SNX29: variants seen among roughly 807,000 people sequenced by gnomAD.
SNX29 encodes sorting nexin 29.
Under a neutral mutation model 102.1 loss-of-function variants are expected in SNX29, and 78 were observed. The ratio of observed to expected loss-of-function variants is 0.76; its 90% CI spans 0.64 to 0.92. SNX29 has a LOEUF of 0.92. SNX29 is among the 40% of genes least tolerant of loss of function. The probability of loss-of-function intolerance (pLI) is 0.00; values close to 1 mark genes in which losing one functional copy is unlikely to be tolerated. For synonymous variants in SNX29, 580 were observed against 414.5 expected (o/e 1.40, Z -4.85); for missense variants, 1,280 against 1,061.7 (o/e 1.21, Z -2.86).
chr16:12,568,267 C>G (rs1170900993), intron 20 of SNX29, among the ~76,000 whole-genome samples: 3 of 146,972 alleles, frequency 2.0e-5, no homozygotes, highest in Non-Finnish European at 4.5e-5. Flanking sequence ...CTAGCTCAGA[C>G]TCACAGCCAA....
At chr16:12,017,958 T>G (rs750048887) in intron 3 of SNX29, among the ~76,000 whole-genome samples, 13 of 151,944 alleles carry the variant, frequency 8.6e-5, no homozygotes, top group Non-Finnish European at 2.9e-5. Context: ...CAGGCAGGAG[T>G]GCAATGGCGC....
At chr16:12,378,004 A>G (rs528287614) in intron 16 of SNX29, among the ~76,000 whole-genome samples, 10 of 152,184 alleles carry the variant, frequency 6.6e-5, no homozygotes, top group African/African-American at 1.2e-4. Flanking sequence ...TTTTTGTATT[A>G]GGATGATTCC....
chr16:12,027,266 C>G (rs1021665737), intron 3 of SNX29, 54 bp from the exon 4 acceptor site: 25 of 1,605,664 alleles, frequency 1.6e-5, no homozygotes, highest in Non-Finnish European at 2.1e-5. Flanking sequence ...TGGGGCCGCC[C>G]TAGTTGCTAC....
chr16:12,040,412 A>G (rs2049832135), intron 4 of SNX29, among the ~76,000 whole-genome samples: 1 of 152,226 alleles, frequency 6.6e-6, no homozygotes, highest in Non-Finnish European at 1.5e-5. Context: ...CAAATTTTAA[A>G]AATCTGTGTA....
intron 14 of SNX29, among the ~76,000 whole-genome samples, chr16:12,267,354 G>A (rs1047906103): frequency 1.3e-5 from 2 of 151,982 alleles, no homozygotes; most frequent in Admixed American, 6.6e-5. Flanking sequence ...AAGCAGGCTG[G>A]GGTTTTCATC....
rs1306722622 is a variant in SNX29, at chr16:12,571,661, T to C, written c.*3032T>C. On this transcript the variant is annotated 3_prime_UTR_variant, in exon 21 of 21. Transcript: ENST00000566228. ...CAGATGAAAGACGACTCAGGAACGG[T>C]AGGGCTGGGCAGAGGTGTCTCTCCT... is the stretch of plus-strand genomic sequence containing the variant. The C allele has an allele frequency of 4.7e-6, 5 of 1,058,960 alleles. No homozygotes were observed. The highest frequency in any genetic ancestry group is 5.7e-6 in the Non-Finnish European group (5 of 875,584). 65.6% of individuals were successfully genotyped at this position (1,058,960 alleles called of 1,614,324 possible). A position where few individuals can be genotyped will look rare whatever the true frequency, so the allele number is the denominator to read the frequency against.
intron 20 of SNX29, among the ~76,000 whole-genome samples, chr16:12,567,488 A>G (rs35804561): frequency 0.28 from 41,999 of 152,080 alleles, 6,185 homozygotes; most frequent in East Asian, 0.44. Context: ...GACTTTACAG[A>G]TGTGATTAAG....
chr16:12,158,220 G>A (rs1470266367), intron 13 of SNX29, among the ~76,000 whole-genome samples: 2 of 151,664 alleles, frequency 1.3e-5, no homozygotes, highest in African/African-American at 4.9e-5. Flanking sequence ...TATTTTTTGA[G>A]AGAGGGTCTC....
intron 11 of SNX29, among the ~76,000 whole-genome samples, chr16:12,105,876 A>G (rs2053215326): frequency 6.6e-6 from 1 of 152,070 alleles, no homozygotes; most frequent in Admixed American, 6.6e-5. Flanking sequence ...TGAGTGGAGA[A>G]GTTGGGTGGG....
chr16:12,568,223 C>T (rs867862674), intron 20 of SNX29, among the ~76,000 whole-genome samples: 15 of 150,982 alleles, frequency 9.9e-5, no homozygotes, highest in African/African-American at 3.4e-4. Flanking sequence ...CTTTCATAGC[C>T]TTAAAATGTA....
At chr16:11,981,393 C>T (rs1332786314) in intron 1 of SNX29, among the ~76,000 whole-genome samples, 1 of 152,016 alleles carries the variant, frequency 6.6e-6, no homozygotes, top group Non-Finnish European at 1.5e-5. Flanking sequence ...CCTGAGCCAC[C>T]ATGCCTGGGC....
At chr16:12,223,166 G>C (rs1276695924) in intron 14 of SNX29, among the ~76,000 whole-genome samples, 1 of 152,188 alleles carries the variant, frequency 6.6e-6, no homozygotes, top group Admixed American at 6.5e-5. Context: ...CTCAGCAGCT[G>C]TGTGATGCTG....
intron 14 of SNX29, among the ~76,000 whole-genome samples, chr16:12,264,657 C>A (rs146630028): frequency 8.5e-4 from 129 of 152,162 alleles, no homozygotes; most frequent in Non-Finnish European, 1.2e-3. Context: ...TAGCAAGTGC[C>A]TGTAGTTCCA....
intron 11 of SNX29, among the ~76,000 whole-genome samples, chr16:12,111,790 C>T (rs890611529): frequency 6.6e-6 from 1 of 152,114 alleles, no homozygotes; most frequent in East Asian, 1.9e-4. Flanking sequence ...CAGGAGGCTG[C>T]TGGGGTAAAG....
intron 20 of SNX29, chr16:12,526,919 C>G (rs899035252): frequency 5.1e-6 from 2 of 392,244 alleles, no homozygotes; most frequent in South Asian, 5.4e-5. Context: ...TGCCATCAGT[C>G]AGCACGGAGA....
chr16:12,366,609 G>T (rs1298567362), intron 16 of SNX29, among the ~76,000 whole-genome samples: 3 of 152,190 alleles, frequency 2.0e-5, no homozygotes, highest in Admixed American at 1.3e-4. Context: ...AGCCTGGTCA[G>T]AGTTTGGTCT....
At chr16:12,046,597 T>G in intron 6 of SNX29, 143 bp downstream of exon 6, 1 of 736,110 alleles carries the variant, frequency 1.4e-6, no homozygotes, top group South Asian at 1.6e-5. Flanking sequence ...GTCCTTCTTT[T>G]ACTAGGACTG....
intron 18 of SNX29, among the ~76,000 whole-genome samples, chr16:12,434,732 G>A (rs2085460136): frequency 6.6e-6 from 1 of 152,028 alleles, no homozygotes; most frequent in African/African-American, 2.4e-5. Context: ...ACCTCATCCA[G>A]GACAGTACAG....
intron 17 of SNX29, among the ~76,000 whole-genome samples, 169 bp downstream of exon 17, chr16:12,398,670 C>T (rs575870736): frequency 1.1e-4 from 16 of 151,822 alleles, no homozygotes; most frequent in East Asian, 1.9e-4. Flanking sequence ...GCCTCAGTCT[C>T]GCCCTCAGAT....
Sources: gnomAD v4.1 joint callset for allele counts (sites outside exome capture counted in the v4.1 genomes callset) on GRCh38, gnomAD v4.1.1 for gene constraint, MANE v1.5 for transcripts, NCBI Gene and HGNC (gene_info 2026-07-23, HGNC 2026-07-21) for gene names.